Variants in AHCYL2 observed in about 807,000 individuals in gnomAD.
AHCYL2 encodes S-adenosylhomocysteine hydrolase-like protein 2.
In AHCYL2, 28 loss-of-function variants were observed where a neutral mutation model predicts 81.4. The ratio of observed to expected loss-of-function variants is 0.34; its 90% confidence interval spans 0.25 to 0.47. The LOEUF (loss-of-function observed/expected upper bound fraction) is 0.47, where lower values mean the gene tolerates loss of function less well. Ranked by LOEUF, AHCYL2 falls within the 20% of genes least tolerant of loss-of-function variation. The pLI, the probability that AHCYL2 is intolerant of heterozygous loss-of-function variation, is 1.00. For synonymous variants in AHCYL2, 272 were observed against 290.2 expected (o/e 0.94, Z 0.64); for missense variants, 551 against 785.1 (o/e 0.70, Z 3.56).
intron 1 of AHCYL2, among the ~76,000 whole-genome samples, chr7:129,338,081 T>C (rs1793020634): frequency 6.6e-6 from 1 of 152,174 alleles, no homozygotes; most frequent in South Asian, 2.1e-4. Context: ...AATGAATATC[T>C]TCATTATTTC....
At chr7:129,276,520 G>A (rs1796212028) in intron 1 of AHCYL2, among the ~76,000 whole-genome samples, 2 of 151,818 alleles carry the variant, frequency 1.3e-5, no homozygotes, top group Non-Finnish European at 2.9e-5. Context: ...GGAGGCTGAG[G>A]CAGGTGGATC....
At chr7:129,385,872 G>A (rs1009097057) in intron 2 of AHCYL2, among the ~76,000 whole-genome samples, 2 of 152,102 alleles carry the variant, frequency 1.3e-5, no homozygotes, top group African/African-American at 4.8e-5. Context: ...TTGTACATAC[G>A]TGTTGGGTTT....
At chr7:129,330,284 C>T (rs1429981181) in intron 1 of AHCYL2, among the ~76,000 whole-genome samples, 5 of 152,264 alleles carry the variant, frequency 3.3e-5, no homozygotes, top group South Asian at 2.1e-4. Flanking sequence ...AGGCGTGAGC[C>T]GCTGCACCCT....
intron 1 of AHCYL2, among the ~76,000 whole-genome samples, chr7:129,248,620 AT>A (rs75305879): frequency 0.034 from 3,465 of 100,660 alleles, 43 homozygotes; most frequent in Middle Eastern, 0.11. Flanking sequence ...CCTGGATACT[AT>A]TTTTTTTTTT....
At chr7:129,360,119 A>ATT in intron 1 of AHCYL2, among the ~76,000 whole-genome samples, 1 of 142,040 alleles carries the variant, frequency 7.0e-6, no homozygotes, top group East Asian at 2.0e-4. Flanking sequence ...TTTAATTTTA[A>ATT]TTTTTTTTTT....
intron 1 of AHCYL2, among the ~76,000 whole-genome samples, chr7:129,296,685 G>C (rs1384257174): frequency 6.6e-6 from 1 of 152,096 alleles, no homozygotes; most frequent in Non-Finnish European, 1.5e-5. Context: ...ACTCTATCCT[G>C]GTTGACAGAG....
chr7:129,262,382 A>T (rs1036996868), intron 1 of AHCYL2, among the ~76,000 whole-genome samples: 5 of 152,188 alleles, frequency 3.3e-5, no homozygotes, highest in African/African-American at 9.7e-5. Flanking sequence ...TTACCCCTTT[A>T]TGGGTTGCAT....
chr7:129,257,295 G>C (rs938271826), intron 1 of AHCYL2, among the ~76,000 whole-genome samples: 6 of 152,196 alleles, frequency 3.9e-5, no homozygotes, highest in Non-Finnish European at 8.8e-5. Flanking sequence ...TTTTGTTTTA[G>C]TAAGCTTCAT....
intron 1 of AHCYL2, among the ~76,000 whole-genome samples, chr7:129,253,010 C>T (rs2150705606): frequency 6.6e-6 from 1 of 152,134 alleles, no homozygotes; most frequent in South Asian, 2.1e-4. Flanking sequence ...AGTTCAAGAC[C>T]AGCCTGGCCA....
In AHCYL2 at chr7:129,225,313, G is replaced by A. The variant is rs1215607058; in HGVS notation, c.237G>A (p.Lys79=). 7.4e-6 allele frequency: 11 copies of A among 1,480,994 alleles called. No homozygotes were observed. The African/African-American group carries it at 1.6e-4, about 22-fold the overall frequency. 91.7% of individuals were successfully genotyped at this position (1,480,994 alleles called of 1,614,324 possible). A position where few individuals can be genotyped will look rare whatever the true frequency, so the allele number is the denominator to read the frequency against. Residue 79 remains lysine (K), a synonymous_variant, in exon 1 of 17, where the codon AAG becomes AAA. Transcript: ENST00000325006. The part of the protein sequence containing the change: ...PAAALSPAAG[K]VPQASAMKRS... Reference sequence around the variant, plus strand: ...CCGCTCTCAGCCCCGCCGCCGGGAAGGTGCCTCAGGCGTCGGCCATGAAGC... The same window carrying A: ...CCGCTCTCAGCCCCGCCGCCGGGAAAGTGCCTCAGGCGTCGGCCATGAAGC...
chr7:129,373,381 TTTAAG>T (rs1045341550), intron 1 of AHCYL2, among the ~76,000 whole-genome samples: 7 of 151,920 alleles, frequency 4.6e-5, no homozygotes, highest in African/African-American at 1.7e-4. Flanking sequence ...GATGGAACTT[TTTAAG>T]TTTTTTTTTA....
intron 1 of AHCYL2, among the ~76,000 whole-genome samples, chr7:129,319,449 CAAAA>C (rs1034674188): frequency 8.0e-6 from 1 of 125,614 alleles, no homozygotes; most frequent in African/African-American, 2.9e-5. Flanking sequence ...GACTCTGTCG[CAAAA>C]AAAAAAAAGA....
intron 1 of AHCYL2, among the ~76,000 whole-genome samples, chr7:129,251,260 G>A (rs1292298579): frequency 1.3e-5 from 2 of 151,380 alleles, no homozygotes; most frequent in Admixed American, 1.3e-4. Context: ...AACTCTACAG[G>A]ACTTAGACCA....
intron 1 of AHCYL2, among the ~76,000 whole-genome samples, chr7:129,276,222 A>G (rs1796196148): frequency 6.6e-6 from 1 of 152,282 alleles, no homozygotes; most frequent in Non-Finnish European, 1.5e-5. Context: ...CAACTAAAGC[A>G]GCATTTAGAG....
chr7:129,401,971 A>C (rs953010506), intron 6 of AHCYL2, among the ~76,000 whole-genome samples: 3 of 152,206 alleles, frequency 2.0e-5, no homozygotes, highest in East Asian at 3.8e-4. Context: ...TGATGACAAT[A>C]ATTTTCTGCA....
Position 129,426,603 on chromosome 7 carries a change from T to G in AHCYL2, c.1829+40T>G. On this transcript the variant is annotated intron_variant, in intron 16 of 16. Transcript: ENST00000325006. The surrounding 1 kb of genome is among the most constrained non-coding windows in gnomAD (Gnocchi z 4.3). ...CCAGAAATCAGGGACACCTGGGCAG[T>G]GATGAGCTTCCTGCACTGGAATTGG... 2 of 1,599,186 alleles carry G rather than the reference T, an allele frequency of 1.3e-6. No homozygotes were observed. The highest frequency in any genetic ancestry group is 1.7e-6 in the Non-Finnish European group (2 of 1,173,704).
chr7:129,242,225 T>C (rs1794884800), intron 1 of AHCYL2, among the ~76,000 whole-genome samples: 1 of 152,140 alleles, frequency 6.6e-6, no homozygotes, highest in African/African-American at 2.4e-5. Context: ...TTCATCTCAC[T>C]GTGTTGCCCA....
chr7:129,266,922 G>A (rs1235549384), intron 1 of AHCYL2, among the ~76,000 whole-genome samples: 1 of 151,674 alleles, frequency 6.6e-6, no homozygotes, highest in South Asian at 2.1e-4. Flanking sequence ...AGATTTTAAA[G>A]GAAAGATAGA....
In AHCYL2 at chr7:129,389,027, T is replaced by C. The variant is rs199536323; in HGVS notation, c.476-29T>C. 184 of 1,582,270 alleles carry C rather than the reference T, an allele frequency of 1.2e-4. No homozygotes were observed. In the African/African-American group the frequency reaches 2.3e-3, roughly 19 times the overall value. ...ATTTTAGAGGAAGCATTTTTTTTTT[T>C]CCGAGTGTTTTTTATTCTGTCATTC... On this transcript the variant is annotated intron_variant, in intron 2 of 16. Transcript: ENST00000325006.
Sources: allele counts gnomAD v4.1 joint callset (sites outside exome capture counted in the v4.1 genomes callset), GRCh38; gene constraint gnomAD v4.1.1; non-coding constraint Gnocchi (gnomAD v3.1); transcripts MANE v1.5; gene names NCBI Gene and HGNC (gene_info 2026-07-23, HGNC 2026-07-21).